PARP6: variants seen among roughly 807,000 people sequenced by gnomAD.
PARP6 encodes the protein poly(ADP-ribose) polymerase family member 6.
PARP6 carries 27 observed loss-of-function variants against 92.0 expected under a neutral mutation model. That is an observed-to-expected ratio of 0.29 (90% confidence interval 0.22 to 0.40). The LOEUF is 0.40. PARP6 is among the 10% of genes least tolerant of loss of function. PARP6 has a pLI of 1.00. For missense variants in PARP6, 501 were observed against 784.5 expected (o/e 0.64, Z 4.32); for synonymous variants, 272 against 281.2 (o/e 0.97, Z 0.33).
Position 72,242,334 on chromosome 15 carries a change from A to G in PARP6, c.1642-114T>C. On this transcript the variant is annotated intron_variant, in intron 21 of 23. Transcript: ENST00000569795. This position sits in a 1 kb window ranked among gnomAD's most constrained non-coding sequence, Gnocchi z 4.3. ...GGGATCAGAGATATCCTGGGCTCCCAGCAACACCCCTCGCCGCCCAGAAAA... is the reference window on the plus strand; with the variant it reads ...GGGATCAGAGATATCCTGGGCTCCCGGCAACACCCCTCGCCGCCCAGAAAA... 4 of 821,948 alleles carry G rather than the reference A, an allele frequency of 4.9e-6. No individual in the cohort carries two copies. Among genetic ancestry groups the G allele is most frequent in the Non-Finnish European group, 8.2e-6 (4 of 490,276 alleles). The allele number at this position is 821,948 out of a possible 1,614,324, so 50.9% of individuals were successfully genotyped here.
rs2085750977 is a variant in PARP6, at chr15:72,260,673, A to AGGG, written c.558_560dup (p.Pro187dup). 1 of 1,613,578 alleles carries AGGG rather than the reference A, an allele frequency of 6.2e-7. No homozygotes were observed. The highest frequency in any genetic ancestry group is 2.2e-5 in the East Asian group (1 of 44,884). On this transcript the variant is annotated inframe_insertion, in exon 10 of 24. Transcript: ENST00000569795. ...CTTTCAGCATGGAGTCCTGTATGAT[A>AGGG]GGGAAACTGGGAGACCTGCAGAGAG...
chr15:72,241,504 A>G lies in PARP6; in HGVS notation c.1844T>C (p.Ile615Thr). 5 of 1,614,156 alleles carry G rather than the reference A, an allele frequency of 3.1e-6. No individual in the cohort carries two copies. The highest frequency in any genetic ancestry group is 2.2e-5 in the East Asian group (1 of 44,888). Residue 615 changes from isoleucine (I) to threonine (T), a missense_variant, in exon 24 of 24, where the codon ATA (isoleucine) becomes ACA (threonine). Ile to Thr is a moderately conservative substitution (Grantham distance 89). Coordinates refer to ENST00000569795, the MANE Select transcript of PARP6 (RefSeq NM_001323532.2). The surrounding 1 kb of genome is among the most constrained non-coding windows in gnomAD (Gnocchi z 4.1). ...GATCACACGCATGATTTCCTTCTGT[A>G]TCTTGGGGTCCTGAGTATTAATGTT... The part of the protein sequence containing the change: ...DANINTQDPK[I>T]QKEIMRVIGT...
chr15:72,253,769 A>C (rs1346915010), intron 15 of PARP6: 14 of 620,588 alleles, frequency 2.3e-5, no homozygotes, highest in Middle Eastern at 5.0e-4. Flanking sequence ...AGCCCTAAAA[A>C]GTTGATTATA....
Position 72,242,359 on chromosome 15 carries a change from A to G in PARP6, c.1642-139T>C. ...AGCAACACCCCTCGCCGCCCAGAAA[A>G]TTCTTCTTTCCCATAATCAGTCTGG... is the stretch of plus-strand genomic sequence containing the variant. On this transcript the variant is annotated intron_variant, in intron 21 of 23. Transcript: ENST00000569795. This position sits in a 1 kb window ranked among gnomAD's most constrained non-coding sequence, Gnocchi z 4.3. 1 of 697,182 alleles carries G rather than the reference A, an allele frequency of 1.4e-6. No homozygotes were observed. Among genetic ancestry groups the G allele is most frequent in the Non-Finnish European group, 2.5e-6 (1 of 403,744 alleles). 43.2% of individuals were successfully genotyped at this position (697,182 alleles called of 1,614,324 possible). A position where few individuals can be genotyped will look rare whatever the true frequency, so the allele number is the denominator to read the frequency against.
Position 72,250,937 on chromosome 15 carries a change from G to C in PARP6, c.1326C>G (p.Thr442=), listed in dbSNP as rs202165680. 1.2e-4 allele frequency: 196 copies of C among 1,613,014 alleles called. 1 individual carries two copies. Among genetic ancestry groups the C allele is most frequent in the South Asian group, 5.0e-4 (45 of 90,828 alleles). The change falls in exon 18 of 24, where the codon ACC becomes ACG. Residue 442 remains threonine (T), a synonymous_variant. Transcript: ENST00000569795. ...TGCTCAGCAGGAGGAACTGGTGTGA[G>C]GTGTGCATGAACTTCAGCTGCTGCC... ...LPLSRLKFMH[T]SHQFLLLSSP... is the part of the protein sequence containing the mutation.
intron 5 of PARP6, 26 bp from the exon 6 acceptor site, chr15:72,265,499 T>A (rs773178398): frequency 6.4e-7 from 1 of 1,557,840 alleles, no homozygotes; most frequent in South Asian, 1.1e-5. Context: ...TGACAACAGG[T>A]GAGACTCATT....
chr15:72,253,521 A>G lies in PARP6; in HGVS notation c.1192-17T>C, dbSNP rs771703351. The G allele has an allele frequency of 1.6e-5, 25 of 1,607,914 alleles. No homozygotes were observed. The highest frequency in any genetic ancestry group is 8.9e-5 in the East Asian group (4 of 44,822). The stretch of plus-strand genomic sequence containing the variant: ...ATATGAGCCCTGTAAGACAATGGCC[A>G]TAACGTTATCTCCTTGGAGAGGTGG... On this transcript the variant is annotated splice_polypyrimidine_tract_variant and intron_variant, in intron 15 of 23. Transcript: ENST00000569795.
At chr15:72,263,037 T>C (rs994862091) in intron 8 of PARP6, among the ~76,000 whole-genome samples, 33 of 152,198 alleles carry the variant, frequency 2.2e-4, no homozygotes, top group African/African-American at 7.7e-4. Context: ...AGTAGCAAAT[T>C]GACATTTCGG....
At chr15:72,268,675 A>C (rs2086941839) in intron 2 of PARP6, among the ~76,000 whole-genome samples, 1 of 152,150 alleles carries the variant, frequency 6.6e-6, no homozygotes, top group African/African-American at 2.4e-5. Context: ...TCCAGCCTGG[A>C]CAGTAAGAGC....
At chr15:72,263,065 C>T (rs529990273) in intron 8 of PARP6, among the ~76,000 whole-genome samples, 2 of 152,312 alleles carry the variant, frequency 1.3e-5, no homozygotes, top group South Asian at 4.1e-4. Flanking sequence ...TCTCTACCTG[C>T]ATATCTGAAA....
rs1411616539 is a variant in PARP6, at chr15:72,241,339, C to A, written c.*116G>T. The A allele has an allele frequency of 1.3e-6, 1 of 751,352 alleles. No homozygotes were observed. Among genetic ancestry groups the A allele is most frequent in the East Asian group, 2.7e-5 (1 of 37,704 alleles). 46.5% of individuals were successfully genotyped at this position (751,352 alleles called of 1,614,324 possible). On this transcript the variant is annotated 3_prime_UTR_variant, in exon 24 of 24. Transcript: ENST00000569795. This position sits in a 1 kb window ranked among gnomAD's most constrained non-coding sequence, Gnocchi z 4.1. ...CCACCTCTTACATATCCTTTTCCTG[C>A]CCCTTGGTAATGGCCCCTTGATTCC...
At position 72,242,754 on chromosome 15, in the gene PARP6, C is replaced by T; in HGVS notation, c.1562-55G>A. 2 of 1,106,906 alleles carry T rather than the reference C, an allele frequency of 1.8e-6. No individual in the cohort carries two copies. The highest frequency in any genetic ancestry group is 2.7e-6 in the Non-Finnish European group (2 of 739,670). 68.6% of individuals were successfully genotyped at this position (1,106,906 alleles called of 1,614,324 possible). ...TATCAAAAATTTACGAAAGTGCCTA[C>T]TATGTCCCAGCACTGAGCTAGATGC... On this transcript the variant is annotated intron_variant, in intron 20 of 23. Transcript: ENST00000569795. The surrounding 1 kb of genome is among the most constrained non-coding windows in gnomAD (Gnocchi z 4.3).
At position 72,265,088 on chromosome 15, in the gene PARP6, A is replaced by C; in HGVS notation, c.321T>G (p.Asp107Glu). 3.1e-6 allele frequency: 5 copies of C among 1,610,676 alleles called. No homozygotes were observed. The highest frequency in any genetic ancestry group is 4.2e-6 in the Non-Finnish European group (5 of 1,176,908). Reference protein sequence around the residue: ...RLRFSLSQYLDGPEPSIEVFQ... With the variant: ...RLRFSLSQYLEGPEPSIEVFQ... ...CAAAGTCACTGCCTTTACCTGGTCCATCTAGGTACTGGGAGAGAGAAAATC... is the reference window on the plus strand; with the variant it reads ...CAAAGTCACTGCCTTTACCTGGTCCCTCTAGGTACTGGGAGAGAGAAAATC... Residue 107 changes from aspartate (D) to glutamate (E), a missense_variant, in exon 7 of 24, where the codon GAT becomes GAG. Physicochemically the swap from Asp to Glu is conservative, Grantham distance 45. Transcript: ENST00000569795.
chr15:72,247,935 T>G (rs2083831447), intron 20 of PARP6, among the ~76,000 whole-genome samples: 1 of 151,620 alleles, frequency 6.6e-6, no homozygotes, highest in Admixed American at 6.6e-5. Context: ...CATGCCTGGC[T>G]AATTTTTCTA....
At chr15:72,250,819 CA>C in intron 18 of PARP6, 25 bp downstream of exon 18, 2 of 1,270,956 alleles carry the variant, frequency 1.6e-6, no homozygotes, top group Non-Finnish European at 2.3e-6. Context: ...TCACCACCCC[CA>C]CTGCCCAGCC....
At chr15:72,257,497 C>T (rs763554448) in intron 12 of PARP6, 57 bp from the exon 13 acceptor site, 53 of 1,353,906 alleles carry the variant, frequency 3.9e-5, no homozygotes, top group Non-Finnish European at 5.2e-5. Context: ...AAGGTGTAGG[C>T]AGAGAGGGAC....
chr15:72,243,243 T>C lies in PARP6; in HGVS notation c.1562-544A>G, dbSNP rs192139936. Reference sequence around the variant, plus strand: ...AGGGAACCACTGCAGGGTTCTAAGATAGGGGAGCAGCACATGAAATCAGCC... The same window carrying C: ...AGGGAACCACTGCAGGGTTCTAAGACAGGGGAGCAGCACATGAAATCAGCC... On this transcript the variant is annotated intron_variant, in intron 20 of 23. Coordinates refer to ENST00000569795, the MANE Select transcript of PARP6 (RefSeq NM_001323532.2). 16 of 152,574 alleles carry C rather than the reference T, an allele frequency of 1.0e-4. 1 individual carries two copies. In the East Asian group the frequency reaches 3.1e-3, roughly 29 times the overall value. The allele number at this position is 152,574 out of a possible 1,614,324, so 9.5% of individuals were successfully genotyped here.
intron 12 of PARP6, 122 bp from the exon 13 acceptor site, chr15:72,257,562 C>A: frequency 2.9e-6 from 2 of 691,758 alleles, no homozygotes; most frequent in Admixed American, 2.6e-5. Flanking sequence ...CCCTCTATAT[C>A]AGGAGAAAAC....
chr15:72,267,239 T>C (rs1377251697), intron 3 of PARP6: 2 of 587,170 alleles, frequency 3.4e-6, no homozygotes, highest in African/African-American at 1.9e-5. Context: ...TCTTGTCTCA[T>C]TATTTTCTTT....
Sources: allele counts gnomAD v4.1 joint callset (sites outside exome capture counted in the v4.1 genomes callset), GRCh38; gene constraint gnomAD v4.1.1; non-coding constraint Gnocchi (gnomAD v3.1); transcripts MANE v1.5; gene names NCBI Gene and HGNC (gene_info 2026-07-23, HGNC 2026-07-21).